HTR1E: variants seen among roughly 807,000 people sequenced by gnomAD.
HTR1E encodes the protein 5-hydroxytryptamine receptor 1E.
A neutral mutation model predicts 3.4 loss-of-function variants in HTR1E; 3 were observed. The observed-to-expected ratio is 0.89, with a 90% CI of 0.41 to 2.31. HTR1E has a LOEUF of 2.31. HTR1E is among the 30% of genes most tolerant of loss of function. The pLI, the probability that HTR1E is intolerant of heterozygous loss-of-function variation, is 0.05. For missense variants in HTR1E, 392 were observed against 467.0 expected (o/e 0.84, Z 1.48); for synonymous variants, 170 against 182.8 (o/e 0.93, Z 0.56).
intron 1 of HTR1E, among the ~76,000 whole-genome samples, chr6:86,998,577 T>G (rs1767976166): frequency 6.6e-6 from 1 of 152,102 alleles, no homozygotes; most frequent in South Asian, 2.1e-4. Context: ...AAAATAACGC[T>G]TAGAGCAAAT....
At chr6:86,952,443 G>A (rs1767258035) in intron 1 of HTR1E, among the ~76,000 whole-genome samples, 1 of 151,670 alleles carries the variant, frequency 6.6e-6, no homozygotes, top group Admixed American at 6.6e-5. Flanking sequence ...GTGTTGTACA[G>A]ACACCCCAAA....
intron 1 of HTR1E, among the ~76,000 whole-genome samples, chr6:86,999,131 T>C: frequency 6.6e-6 from 1 of 152,082 alleles, no homozygotes; most frequent in Non-Finnish European, 1.5e-5. Flanking sequence ...GGCTAATTTT[T>C]TTTATTTTTA....
chr6:86,965,298 G>T (rs1353782596), intron 1 of HTR1E, among the ~76,000 whole-genome samples: 1 of 152,152 alleles, frequency 6.6e-6, no homozygotes. Flanking sequence ...CTCACTCCTG[G>T]CATGGAATCT....
chr6:86,984,885 C>G (rs1767762552), intron 1 of HTR1E, among the ~76,000 whole-genome samples: 1 of 152,098 alleles, frequency 6.6e-6, no homozygotes, highest in South Asian at 2.1e-4. Flanking sequence ...AACTAAGATG[C>G]AAGGTGGTGG....
chr6:86,992,675 A>G (rs903190337), intron 1 of HTR1E, among the ~76,000 whole-genome samples: 5 of 152,186 alleles, frequency 3.3e-5, no homozygotes, highest in African/African-American at 1.2e-4. Context: ...TTTATTGAGT[A>G]TCTCTTAGGT....
chr6:86,945,801 G>A (rs1183787311), intron 1 of HTR1E, among the ~76,000 whole-genome samples: 1 of 151,698 alleles, frequency 6.6e-6, no homozygotes, highest in Non-Finnish European at 1.5e-5. Flanking sequence ...GTGGCGTGGT[G>A]ATCCCAGTTC....
At chr6:86,969,772 C>T (rs1767523514) in intron 1 of HTR1E, among the ~76,000 whole-genome samples, 1 of 152,188 alleles carries the variant, frequency 6.6e-6, no homozygotes, top group Non-Finnish European at 1.5e-5. Flanking sequence ...GGCAAAGCTG[C>T]TTGATACGAG....
At chr6:86,947,373 A>C (rs1165343305) in intron 1 of HTR1E, among the ~76,000 whole-genome samples, 1 of 152,098 alleles carries the variant, frequency 6.6e-6, no homozygotes, top group Non-Finnish European at 1.5e-5. Context: ...TGTTATCTAC[A>C]TTTCTTCTCT....
chr6:86,985,256 A>G (rs920120057), intron 1 of HTR1E, among the ~76,000 whole-genome samples: 1 of 152,088 alleles, frequency 6.6e-6, no homozygotes, highest in Non-Finnish European at 1.5e-5. Context: ...CCAATGTAGG[A>G]GCGCCAAAAC....
At chr6:87,010,318 A>C (rs1209062050) in intron 1 of HTR1E, among the ~76,000 whole-genome samples, 1 of 68,598 alleles carries the variant, frequency 1.5e-5, no homozygotes. Context: ...GGGGGGGCTG[A>C]CCCCCCCCAC....
intron 1 of HTR1E, among the ~76,000 whole-genome samples, chr6:86,964,447 C>G (rs987110113): frequency 6.6e-6 from 1 of 152,178 alleles, no homozygotes; most frequent in East Asian, 1.9e-4. Flanking sequence ...GCAAGATGCT[C>G]TCAGTGTGAG....
At chr6:87,014,218 C>A (rs915671433) in intron 1 of HTR1E, among the ~76,000 whole-genome samples, 1 of 150,648 alleles carries the variant, frequency 6.6e-6, no homozygotes, top group African/African-American at 2.4e-5. Flanking sequence ...ATGTAACAAA[C>A]CTGCATGTTG....
At chr6:87,011,579 C>T (rs1009655331) in intron 1 of HTR1E, among the ~76,000 whole-genome samples, 18 of 152,212 alleles carry the variant, frequency 1.2e-4, no homozygotes, top group African/African-American at 3.6e-4. Context: ...GGATATTTGT[C>T]CCATATTTCA....
chr6:86,952,600 A>T (rs1260410553), intron 1 of HTR1E, among the ~76,000 whole-genome samples: 5 of 152,038 alleles, frequency 3.3e-5, no homozygotes, highest in African/African-American at 1.2e-4. Context: ...CTACACTCTC[A>T]TTCACCCCCT....
intron 1 of HTR1E, among the ~76,000 whole-genome samples, chr6:86,975,361 C>A (rs1767615326): frequency 6.6e-6 from 1 of 152,162 alleles, no homozygotes; most frequent in Non-Finnish European, 1.5e-5. Context: ...TTGGAACTAT[C>A]AACTTCTCAC....
intron 1 of HTR1E, among the ~76,000 whole-genome samples, chr6:86,973,328 GTGTC>G (rs1176931427): frequency 7.2e-5 from 10 of 139,802 alleles, no homozygotes; most frequent in African/African-American, 1.3e-4. Flanking sequence ...GTGTGTGTGT[GTGTC>G]TGTGTGTGTG....
intron 1 of HTR1E, among the ~76,000 whole-genome samples, chr6:86,986,548 C>T (rs548259987): frequency 1.1e-4 from 17 of 152,222 alleles, no homozygotes; most frequent in Admixed American, 8.5e-4. Context: ...ACTAATCAGT[C>T]GTAACTTTCT....
chr6:86,939,909 T>C (rs769798943), intron 1 of HTR1E, among the ~76,000 whole-genome samples: 25 of 152,322 alleles, frequency 1.6e-4, no homozygotes, highest in Non-Finnish European at 3.5e-4. Flanking sequence ...CATTCTGGTG[T>C]CTATACAAAA....
chr6:87,011,911 C>G (rs1383892493), intron 1 of HTR1E, among the ~76,000 whole-genome samples: 1 of 152,128 alleles, frequency 6.6e-6, no homozygotes, highest in Non-Finnish European at 1.5e-5. Context: ...GGTCTACATA[C>G]CTTTCCCGCG....
Sources: gnomAD v4.1 joint callset for allele counts (sites outside exome capture counted in the v4.1 genomes callset) on GRCh38, gnomAD v4.1.1 for gene constraint, MANE v1.5 for transcripts, NCBI Gene and HGNC (gene_info 2026-07-23, HGNC 2026-07-21) for gene names.